ENTHD1: variants seen among roughly 807,000 people sequenced by gnomAD.
ENTHD1 encodes the protein ENTH domain-containing protein 1.
In ENTHD1, 23 loss-of-function variants were observed where a neutral mutation model predicts 39.1. That is an observed-to-expected ratio of 0.59 (90% confidence interval 0.42 to 0.83). The LOEUF (loss-of-function observed/expected upper bound fraction) is 0.83. Ranked by LOEUF, ENTHD1 falls within the 40% of genes least tolerant of loss-of-function variation. The probability of loss-of-function intolerance (pLI) is 0.00; values close to 1 mark genes in which losing one functional copy is unlikely to be tolerated. For synonymous variants in ENTHD1, 230 were observed against 258.2 expected (o/e 0.89, Z 1.05); for missense variants, 624 against 705.4 (o/e 0.88, Z 1.31).
At chr22:39,791,809 A>G (rs1482124979) in intron 5 of ENTHD1, among the ~76,000 whole-genome samples, 2 of 152,142 alleles carry the variant, frequency 1.3e-5, no homozygotes, top group Non-Finnish European at 2.9e-5. Flanking sequence ...TTTGGTGTAC[A>G]GATCATTTTG....
At chr22:39,806,220 G>A (rs1016236337) in intron 5 of ENTHD1, among the ~76,000 whole-genome samples, 1 of 152,224 alleles carries the variant, frequency 6.6e-6, no homozygotes, top group Admixed American at 6.5e-5. Flanking sequence ...ATGCCCACAT[G>A]CATTCCCTCA....
chr22:39,866,479 A>C (rs768187986), intron 2 of ENTHD1, among the ~76,000 whole-genome samples: 10 of 152,228 alleles, frequency 6.6e-5, no homozygotes, highest in Non-Finnish European at 1.3e-4. Flanking sequence ...GATGTGCCAG[A>C]CTTTAATTTT....
chr22:39,753,768 A>G (rs1027400696), intron 6 of ENTHD1, among the ~76,000 whole-genome samples: 2 of 152,176 alleles, frequency 1.3e-5, no homozygotes, highest in Non-Finnish European at 2.9e-5. Flanking sequence ...CATTCCTCTG[A>G]GTAGTCCCTA....
At chr22:39,767,617 T>C (rs73888166) in intron 5 of ENTHD1, among the ~76,000 whole-genome samples, 1,908 of 152,338 alleles carry the variant, frequency 0.013, 43 homozygotes, top group African/African-American at 0.044. Context: ...TATTTTTCCA[T>C]TGACTTTCAT....
Position 39,835,917 on chromosome 22 carries a change from C to A in ENTHD1, c.634G>T (p.Asp212Tyr), listed in dbSNP as rs768501802. Residue 212 changes from aspartate (D) to tyrosine (Y), a missense_variant, in exon 4 of 7, where the codon GAT becomes TAT. Asp to Tyr is a radical substitution (Grantham distance 160). Transcript: ENST00000325157. ...ATAGTTTCTGTAGGCAAATGAACAT[C>A]TTGGCAATGCTCTTGTTTCAATCCT... ...KAGLKQEHCQDVHLPTETMLS... is the reference protein window; with the variant it reads ...KAGLKQEHCQYVHLPTETMLS... 6.2e-7 allele frequency: 1 copy of A among 1,609,686 alleles called. No individual in the cohort carries two copies. The highest frequency in any genetic ancestry group is 8.5e-7 in the Non-Finnish European group (1 of 1,177,722).
Position 39,867,913 on chromosome 22 carries a change from C to T in ENTHD1, c.350-5906G>A, listed in dbSNP as rs919567943. 9.9e-5 allele frequency among the ~76,000 whole-genome samples: 15 copies of T among 152,088 alleles called. No homozygotes were observed. The highest frequency in any genetic ancestry group is 3.4e-4 in the African/African-American group (14 of 41,404). On this transcript the variant is annotated intron_variant, in intron 2 of 6. Transcript: ENST00000325157. This position sits in a 1 kb window ranked among gnomAD's most constrained non-coding sequence, Gnocchi z 4.5. The stretch of plus-strand genomic sequence containing the variant: ...GCCAGTCTCAAAAACAAGATAAAAA[C>T]CCCCACGAAGCAGAAATATAACAGA...
chr22:39,838,553 G>C (rs2065922323), intron 3 of ENTHD1, among the ~76,000 whole-genome samples: 1 of 152,160 alleles, frequency 6.6e-6, no homozygotes, highest in South Asian at 2.1e-4. Flanking sequence ...CAGGATTTCT[G>C]CTGAGCCCTG....
intron 1 of ENTHD1, among the ~76,000 whole-genome samples, chr22:39,891,440 C>T (rs1394617242): frequency 3.3e-5 from 5 of 151,826 alleles, no homozygotes; most frequent in Non-Finnish European, 7.4e-5. Context: ...TTGGGATAAA[C>T]CTGCACTGAT....
At chr22:39,857,590 A>AAGTTTGCTCC (rs1386712007) in intron 3 of ENTHD1, among the ~76,000 whole-genome samples, 3 of 152,108 alleles carry the variant, frequency 2.0e-5, no homozygotes, top group Non-Finnish European at 4.4e-5. Context: ...TCACCAGGCC[A>AAGTTTGCTCC]AGTTTGCTCC....
At chr22:39,888,260 C>CTTTTTTTTTTTTTTT (rs61092462) in intron 1 of ENTHD1, among the ~76,000 whole-genome samples, 1 of 110,656 alleles carries the variant, frequency 9.0e-6, no homozygotes, top group Non-Finnish European at 1.7e-5. Context: ...TTCTTTCTTT[C>CTTTTTTTTTTTTTTT]TTTTTTTTTT....
At chr22:39,761,246 A>C (rs6001673) in intron 6 of ENTHD1, among the ~76,000 whole-genome samples, 35,618 of 151,986 alleles carry the variant, frequency 0.23, 4,565 homozygotes, top group African/African-American at 0.32. Context: ...TTAACACTTA[A>C]AAGATGACTT....
At chr22:39,890,046 C>A (rs1317931153) in intron 1 of ENTHD1, among the ~76,000 whole-genome samples, 1 of 150,406 alleles carries the variant, frequency 6.6e-6, no homozygotes, top group African/African-American at 2.5e-5. Flanking sequence ...TGCACTGAGC[C>A]GAGATTAGGC....
intron 2 of ENTHD1, among the ~76,000 whole-genome samples, chr22:39,879,597 A>T (rs2066320386): frequency 6.6e-6 from 1 of 152,004 alleles, no homozygotes; most frequent in Admixed American, 6.6e-5. Context: ...ACCTATTAGG[A>T]TGACCAAAAT....
intron 3 of ENTHD1, among the ~76,000 whole-genome samples, chr22:39,848,510 C>G (rs1183148705): frequency 6.6e-6 from 1 of 152,166 alleles, no homozygotes; most frequent in Non-Finnish European, 1.5e-5. Flanking sequence ...CCTTGGCCTC[C>G]CAAAGTGCTG....
At position 39,784,543 on chromosome 22, in the gene ENTHD1, T is replaced by TACACACACAC. The variant is rs3044403; in HGVS notation, c.833-18944_833-18935dup. Among the ~76,000 whole-genome samples the TACACACACAC allele has an allele frequency of 8.3e-3, 1,185 of 142,332 alleles. 15 individuals carry two copies. Among genetic ancestry groups the TACACACACAC allele is most frequent in the South Asian group, 0.036 (152 of 4,262 alleles). 93.4% of individuals were successfully genotyped at this position (142,332 alleles called of 152,430 possible). A position where few individuals can be genotyped will look rare whatever the true frequency, so the allele number is the denominator to read the frequency against. On this transcript the variant is annotated intron_variant, in intron 5 of 6. Coordinates refer to ENST00000325157, the MANE Select transcript of ENTHD1 (RefSeq NM_152512.4). ...AAAATGCGCTCTCTCTCTCTCTGTA[T>TACACACACAC]ACACACACACACACACACACACACA...
At chr22:39,854,750 T>C (rs1866305789) in intron 3 of ENTHD1, among the ~76,000 whole-genome samples, 1 of 152,012 alleles carries the variant, frequency 6.6e-6, no homozygotes. Flanking sequence ...TAACACCTTC[T>C]TTAAAGTGCC....
intron 5 of ENTHD1, among the ~76,000 whole-genome samples, chr22:39,785,590 C>T (rs1161996876): frequency 3.3e-5 from 5 of 152,120 alleles, no homozygotes; most frequent in Admixed American, 6.5e-5. Context: ...CCATCCATGC[C>T]GTCTGTATGG....
At chr22:39,771,409 GC>G (rs1031564201) in intron 5 of ENTHD1, among the ~76,000 whole-genome samples, 4 of 152,060 alleles carry the variant, frequency 2.6e-5, no homozygotes, top group Non-Finnish European at 5.9e-5. Context: ...GTCTTAACTG[GC>G]CTGAAGAACC....
In ENTHD1 at chr22:39,887,756, A is replaced by C. The variant is rs1185234721; in HGVS notation, c.-8T>G. 6.5e-7 allele frequency: 1 copy of C among 1,537,020 alleles called. No homozygotes were observed. The highest frequency in any genetic ancestry group is 8.7e-7 in the Non-Finnish European group (1 of 1,143,076). On this transcript the variant is annotated 5_prime_UTR_variant, in exon 2 of 7. Coordinates refer to ENST00000325157, the MANE Select transcript of ENTHD1 (RefSeq NM_152512.4). ...TTGTCTCCTGAACGCCATAAGTAAT[A>C]CAAGTTCCAAGGTGAGATGGAGGAT...
Sources: allele counts gnomAD v4.1 joint callset (sites outside exome capture counted in the v4.1 genomes callset), GRCh38; gene constraint gnomAD v4.1.1; non-coding constraint Gnocchi (gnomAD v3.1); transcripts MANE v1.5; gene names NCBI Gene and HGNC (gene_info 2026-07-23, HGNC 2026-07-21).